Variants in UBXN2A observed in about 807,000 individuals in gnomAD.
UBXN2A encodes UBX domain protein 2A, also known as UBX domain-containing protein 2A.
In UBXN2A, 28 loss-of-function variants were observed where a neutral mutation model predicts 28.4. The observed-to-expected ratio is 0.99, with a 90% CI of 0.73 to 1.35. UBXN2A has a LOEUF of 1.35. Ranked by LOEUF, UBXN2A falls within the 40% of genes most tolerant of loss-of-function variation. The pLI is 0.00. For missense variants in UBXN2A, 253 were observed against 297.9 expected, an observed-to-expected ratio of 0.85 and a Z score of 1.11; for synonymous variants, 97 against 103.6, an observed-to-expected ratio of 0.94 and a Z score of 0.39.
chr2:23,953,382 C>T lies in UBXN2A; in HGVS notation c.-14-4919C>T, dbSNP rs1249135673. Among the ~76,000 whole-genome samples the T allele has an allele frequency of 2.6e-5, 4 of 152,084 alleles. No homozygotes were observed. In the East Asian group the frequency reaches 7.7e-4, roughly 29 times the overall value. On this transcript the variant is annotated intron_variant, in intron 1 of 6. Coordinates refer to ENST00000309033, the MANE Select transcript of UBXN2A (RefSeq NM_181713.4). Reference sequence around the variant, plus strand: ...ATTTTGATTTTAATTATATTCCATCCACTCCCCAATCCACTTGATTGTTTG... The same window carrying T: ...ATTTTGATTTTAATTATATTCCATCTACTCCCCAATCCACTTGATTGTTTG...
chr2:23,969,633 T>C (rs1181595875), intron 2 of UBXN2A, among the ~76,000 whole-genome samples: 1 of 152,122 alleles, frequency 6.6e-6, no homozygotes, highest in Non-Finnish European at 1.5e-5. Flanking sequence ...AGTGCTGGGA[T>C]TACAGGCATG....
At chr2:23,969,950 A>G (rs1327993736) in intron 2 of UBXN2A, among the ~76,000 whole-genome samples, 2 of 152,226 alleles carry the variant, frequency 1.3e-5, no homozygotes, top group African/African-American at 2.4e-5. Context: ...CTGTTACCAA[A>G]AAAACGCATA....
intron 6 of UBXN2A, among the ~76,000 whole-genome samples, chr2:23,994,342 T>A (rs981992182): frequency 7.9e-5 from 12 of 152,220 alleles, no homozygotes; most frequent in Admixed American, 6.5e-5. Flanking sequence ...GTTAAGGTTT[T>A]TTGTCAGTTT....
In UBXN2A at chr2:23,944,120, T is replaced by A. The variant is rs1470574488; in HGVS notation, c.-15+3472T>A. On this transcript the variant is annotated intron_variant, in intron 1 of 6. Transcript: ENST00000309033. ...CTTTTTGGCATGTCAGCCCTGTTAC[T>A]CCCAGGAAAGTTTAAGTCTTACTTG... The A allele has an allele frequency of 5.0e-6, 4 of 797,154 alleles. No homozygotes were observed. In the African/African-American group the frequency reaches 6.8e-5, roughly 14 times the overall value. The allele number at this position is 797,154 out of a possible 1,614,324, so 49.4% of individuals were successfully genotyped here. A position where few individuals can be genotyped will look rare whatever the true frequency, so the allele number is the denominator to read the frequency against.
At chr2:23,989,687 G>T (rs1708275090) in intron 6 of UBXN2A, among the ~76,000 whole-genome samples, 1 of 152,036 alleles carries the variant, frequency 6.6e-6, no homozygotes, top group South Asian at 2.1e-4. Flanking sequence ...CAGATCACTG[G>T]AGCCTAGCAG....
chr2:23,929,721 AT>A (rs1367584497), intron 1 of UBXN2A, among the ~76,000 whole-genome samples: 9 of 152,076 alleles, frequency 5.9e-5, no homozygotes, highest in Non-Finnish European at 1.2e-4. Flanking sequence ...TCAAAAAAAA[AT>A]AAATAAATAA....
At chr2:23,992,058 G>T in intron 6 of UBXN2A, among the ~76,000 whole-genome samples, 1 of 152,080 alleles carries the variant, frequency 6.6e-6, no homozygotes, top group East Asian at 1.9e-4. Flanking sequence ...TGCAACCTCC[G>T]CCTCCCTGGT....
At chr2:23,961,801 C>G (rs1181069940) in intron 2 of UBXN2A, among the ~76,000 whole-genome samples, 1 of 150,376 alleles carries the variant, frequency 6.6e-6, no homozygotes, top group Non-Finnish European at 1.5e-5. Context: ...CTGCCTCGGA[C>G]TCCCATAGTG....
At chr2:23,973,283 T>C (rs979563256) in intron 3 of UBXN2A, among the ~76,000 whole-genome samples, 4 of 148,320 alleles carry the variant, frequency 2.7e-5, no homozygotes, top group Non-Finnish European at 4.5e-5. Flanking sequence ...CCTCCCAAAG[T>C]TCTGGGATTA....
intron 2 of UBXN2A, among the ~76,000 whole-genome samples, chr2:23,963,070 C>A (rs574284793): frequency 1.8e-4 from 27 of 152,284 alleles, no homozygotes; most frequent in African/African-American, 6.5e-4. Flanking sequence ...TATCACGTCT[C>A]GTGAGACTTA....
upstream of UBXN2A, among the ~76,000 whole-genome samples, chr2:23,935,925 C>T (rs1019316843): frequency 1.3e-5 from 2 of 151,984 alleles, no homozygotes; most frequent in South Asian, 2.1e-4. Context: ...TTGGGGGGCA[C>T]CTTTAATCCC....
At chr2:23,940,913 A>G (rs1705724105) in intron 1 of UBXN2A, among the ~76,000 whole-genome samples, 1 of 152,030 alleles carries the variant, frequency 6.6e-6, no homozygotes, top group African/African-American at 2.4e-5. Context: ...GAGCTAGCTG[A>G]AGGCACAGCT....
chr2:23,936,051 AAAAT>A (rs1440288788), upstream of UBXN2A, among the ~76,000 whole-genome samples: 1 of 152,104 alleles, frequency 6.6e-6, no homozygotes, highest in Non-Finnish European at 1.5e-5. Flanking sequence ...GGCTGTCTCA[AAAAT>A]AAATAAATTA....
chr2:23,946,093 A>G (rs1706063260), intron 1 of UBXN2A, among the ~76,000 whole-genome samples: 1 of 152,136 alleles, frequency 6.6e-6, no homozygotes, highest in Non-Finnish European at 1.5e-5. Flanking sequence ...GGGCCTCCCA[A>G]AGTGTGGGGA....
chr2:23,956,695 T>C (rs11885670), intron 1 of UBXN2A, among the ~76,000 whole-genome samples: 9,831 of 152,264 alleles, frequency 0.065, 409 homozygotes, highest in African/African-American at 0.12. Flanking sequence ...GGGTAAAAGT[T>C]TCCATGTTCA....
At chr2:23,981,491 A>T (rs1264291979) in intron 4 of UBXN2A, among the ~76,000 whole-genome samples, 2 of 147,280 alleles carry the variant, frequency 1.4e-5, no homozygotes, top group Non-Finnish European at 3.0e-5. Flanking sequence ...AAAAAAAAAA[A>T]AAAAAAAAAA....
At chr2:23,968,243 TA>T (rs1707254610) in intron 2 of UBXN2A, among the ~76,000 whole-genome samples, 1 of 152,154 alleles carries the variant, frequency 6.6e-6, no homozygotes, top group African/African-American at 2.4e-5. Flanking sequence ...TAAATGGGGA[TA>T]AAAATAATAC....
chr2:23,960,239 G>A (rs1264634523), intron 2 of UBXN2A, among the ~76,000 whole-genome samples: 1 of 151,962 alleles, frequency 6.6e-6, no homozygotes, highest in East Asian at 1.9e-4. Flanking sequence ...CTGGGCGACA[G>A]AGTGAGACTC....
chr2:23,942,918 C>T (rs904783657), intron 1 of UBXN2A, among the ~76,000 whole-genome samples: 14 of 150,844 alleles, frequency 9.3e-5, no homozygotes, highest in African/African-American at 2.2e-4. Flanking sequence ...GGTTTACCTC[C>T]GTCAGAAAAA....
Sources: gnomAD v4.1 joint callset for allele counts (sites outside exome capture counted in the v4.1 genomes callset) on GRCh38, gnomAD v4.1.1 for gene constraint, MANE v1.5 for transcripts, NCBI Gene and HGNC (gene_info 2026-07-23, HGNC 2026-07-21) for gene names.